The following GMDS variants were observed in gnomAD, a reference collection of about 807,000 sequenced individuals.
GMDS encodes the protein GDP-mannose 4,6 dehydratase.
GMDS carries 20 observed loss-of-function variants against 49.9 expected under a neutral mutation model. The ratio of observed to expected loss-of-function variants is 0.40; its 90% CI spans 0.28 to 0.58. The LOEUF (loss-of-function observed/expected upper bound fraction) is 0.58, where lower values mean the gene tolerates loss of function less well. Ranked by LOEUF, GMDS falls within the 20% of genes least tolerant of loss-of-function variation. The probability of loss-of-function intolerance (pLI) is 0.42; values close to 1 mark genes in which losing one functional copy is unlikely to be tolerated. For missense variants in GMDS, 362 were observed against 481.4 expected (o/e 0.75, Z 2.32); for synonymous variants, 177 against 178.6 (o/e 0.99, Z 0.07).
At chr6:1,794,105 C>G (rs1162624946) in intron 7 of GMDS, among the ~76,000 whole-genome samples, 1 of 152,156 alleles carries the variant, frequency 6.6e-6, no homozygotes, top group African/African-American at 2.4e-5. Flanking sequence ...ATGTTTGGAT[C>G]TATCTGAGGA....
intron 8 of GMDS, among the ~76,000 whole-genome samples, chr6:1,728,147 C>T (rs1766657587): frequency 6.6e-6 from 1 of 152,104 alleles, no homozygotes. Context: ...GGAATGATGA[C>T]CCTCATACAT....
chr6:2,117,044 T>G (rs1210210553), intron 3 of GMDS, among the ~76,000 whole-genome samples: 2 of 152,228 alleles, frequency 1.3e-5, no homozygotes, highest in Non-Finnish European at 2.9e-5. Context: ...TTGATTGCCA[T>G]TTATTTGGGC....
At chr6:2,052,118 A>AAAAAAAAAAAAAAAAAAAAAAAAAC in intron 4 of GMDS, among the ~76,000 whole-genome samples, 1 of 139,496 alleles carries the variant, frequency 7.2e-6, no homozygotes, top group East Asian at 2.2e-4. Context: ...CTCTGTCTCA[A>AAAAAAAAAAAAAAAAAAAAAAAAAC]AAAAAAAAAA....
At chr6:1,669,451 T>C (rs1764343707) in intron 9 of GMDS, among the ~76,000 whole-genome samples, 1 of 152,194 alleles carries the variant, frequency 6.6e-6, no homozygotes, top group African/African-American at 2.4e-5. Flanking sequence ...AACGTTTGTT[T>C]AGAGAGAAAA....
intron 6 of GMDS, among the ~76,000 whole-genome samples, chr6:1,945,872 TAAA>T: frequency 6.6e-6 from 1 of 152,306 alleles, no homozygotes; most frequent in Non-Finnish European, 1.5e-5. Flanking sequence ...CAAATAATTC[TAAA>T]ACCGAAGGTA....
At chr6:1,690,775 G>C (rs1376975234) in intron 9 of GMDS, among the ~76,000 whole-genome samples, 2 of 152,202 alleles carry the variant, frequency 1.3e-5, no homozygotes. Flanking sequence ...CAACATCGCT[G>C]ATCATTAGTG....
intron 4 of GMDS, among the ~76,000 whole-genome samples, chr6:2,061,449 GC>G (rs1475509969): frequency 1.6e-4 from 25 of 152,122 alleles, no homozygotes; most frequent in African/African-American, 5.1e-4. Context: ...AGGCATGGTG[GC>G]TCATGCCCGT....
At chr6:1,875,131 A>AAAT (rs1187256691) in intron 7 of GMDS, among the ~76,000 whole-genome samples, 4 of 152,164 alleles carry the variant, frequency 2.6e-5, no homozygotes, top group African/African-American at 9.7e-5. Context: ...ATAAAATTCA[A>AAAT]AATAAAAAGA....
At chr6:2,042,771 A>C (rs1285170010) in intron 4 of GMDS, among the ~76,000 whole-genome samples, 1 of 152,112 alleles carries the variant, frequency 6.6e-6, no homozygotes, top group Non-Finnish European at 1.5e-5. Flanking sequence ...AACACATGAA[A>C]CTTAATATTT....
chr6:2,090,473 T>C (rs1773254687), intron 4 of GMDS, among the ~76,000 whole-genome samples: 1 of 152,204 alleles, frequency 6.6e-6, no homozygotes, highest in Admixed American at 6.5e-5. Flanking sequence ...CTCACAATGA[T>C]GTATATTCTA....
intron 8 of GMDS, among the ~76,000 whole-genome samples, chr6:1,740,674 GAGA>G (rs574468103): frequency 0.011 from 1,621 of 145,834 alleles, 14 homozygotes; most frequent in Non-Finnish European, 0.018. Context: ...CAGTCCACAA[GAGA>G]AGAAGGCCAA....
intron 6 of GMDS, among the ~76,000 whole-genome samples, chr6:1,932,378 A>T (rs962093829): frequency 1.8e-4 from 28 of 152,108 alleles, no homozygotes; most frequent in Non-Finnish European, 3.7e-4. Context: ...AGCTATATAA[A>T]TTAACTATTC....
chr6:2,205,872 C>T (rs544519090), intron 1 of GMDS, among the ~76,000 whole-genome samples: 2 of 152,182 alleles, frequency 1.3e-5, no homozygotes, highest in South Asian at 2.1e-4. Context: ...TGCTACCACA[C>T]GTGTGTTCTG....
intron 4 of GMDS, among the ~76,000 whole-genome samples, chr6:2,061,076 C>T (rs1433181748): frequency 6.6e-6 from 1 of 151,798 alleles, no homozygotes; most frequent in African/African-American, 2.4e-5. Context: ...GTTGTGAAGG[C>T]GTCTGGGAGC....
intron 7 of GMDS, among the ~76,000 whole-genome samples, chr6:1,869,349 G>C (rs1252097338): frequency 1.3e-5 from 2 of 152,166 alleles, no homozygotes; most frequent in African/African-American, 4.8e-5. Context: ...AGGCCACAAT[G>C]AGAGGAGGAG....
At chr6:1,934,025 T>G (rs1362339743) in intron 6 of GMDS, among the ~76,000 whole-genome samples, 1 of 152,200 alleles carries the variant, frequency 6.6e-6, no homozygotes, top group Non-Finnish European at 1.5e-5. Flanking sequence ...ACATTTGAAT[T>G]TTTGATCAAT....
At chr6:2,092,557 C>T (rs1401182062) in intron 4 of GMDS, among the ~76,000 whole-genome samples, 3 of 152,014 alleles carry the variant, frequency 2.0e-5, no homozygotes, top group Non-Finnish European at 4.4e-5. Flanking sequence ...ATTTATTGTA[C>T]GTAACAGATT....
At chr6:2,141,372 G>C (rs899087431) in intron 1 of GMDS, among the ~76,000 whole-genome samples, 2 of 152,164 alleles carry the variant, frequency 1.3e-5, no homozygotes, top group African/African-American at 4.8e-5. Flanking sequence ...CTGGACACAG[G>C]CCTGTTTATC....
intron 9 of GMDS, among the ~76,000 whole-genome samples, chr6:1,650,097 A>T (rs542811875): frequency 6.6e-6 from 1 of 152,184 alleles, no homozygotes; most frequent in Non-Finnish European, 1.5e-5. Flanking sequence ...GGCCGTAATC[A>T]TCTAGGTTCC....
Sources: allele counts gnomAD v4.1 joint callset (sites outside exome capture counted in the v4.1 genomes callset), GRCh38; gene constraint gnomAD v4.1.1; transcripts MANE v1.5; gene names NCBI Gene and HGNC (gene_info 2026-07-23, HGNC 2026-07-21).